Variants in VWC2L observed in about 807,000 individuals in gnomAD.
The protein encoded by VWC2L is von Willebrand factor C domain-containing protein 2-like.
A neutral mutation model predicts 21.6 loss-of-function variants in VWC2L; 10 were observed. That is an observed-to-expected ratio of 0.46 (90% confidence interval 0.29 to 0.78). The LOEUF is 0.78. Ranked by LOEUF, VWC2L falls within the 30% of genes least tolerant of loss-of-function variation. The pLI is 0.10. For synonymous variants in VWC2L, 96 were observed against 94.3 expected, an observed-to-expected ratio of 1.02 and a Z score of -0.10; for missense variants, 209 against 277.1, an observed-to-expected ratio of 0.75 and a Z score of 1.74.
intron 1 of VWC2L, among the ~76,000 whole-genome samples, chr2:214,412,679 T>C (rs866828505): frequency 9.2e-5 from 14 of 152,190 alleles, no homozygotes; most frequent in Admixed American, 4.6e-4. Flanking sequence ...CCTTCCATTT[T>C]ACTATTACTA....
intron 3 of VWC2L, among the ~76,000 whole-genome samples, chr2:214,452,363 TCTCTA>T (rs1321908270): frequency 1.3e-5 from 2 of 152,136 alleles, no homozygotes; most frequent in Non-Finnish European, 2.9e-5. Context: ...CCCAGGCTAG[TCTCTA>T]CTCTTTTTCA....
intron 2 of VWC2L, among the ~76,000 whole-genome samples, chr2:214,435,512 A>T (rs1002328944): frequency 1.5e-4 from 23 of 152,200 alleles, no homozygotes; most frequent in African/African-American, 4.8e-4. Flanking sequence ...AGACTGTCTG[A>T]GTTGAGAAGC....
chr2:214,510,530 CT>C (rs1689036766), intron 3 of VWC2L, among the ~76,000 whole-genome samples: 1 of 152,110 alleles, frequency 6.6e-6, no homozygotes. Flanking sequence ...CTATTTAAAA[CT>C]TTATGTAGTA....
intron 3 of VWC2L, among the ~76,000 whole-genome samples, chr2:214,546,707 C>CCTCTA (rs1689712092): frequency 6.6e-6 from 1 of 151,902 alleles, no homozygotes; most frequent in African/African-American, 2.4e-5. Context: ...CATCCCTGAA[C>CCTCTA]CTCTAGTTTT....
intron 3 of VWC2L, among the ~76,000 whole-genome samples, chr2:214,474,096 A>T (rs1186128749): frequency 6.6e-6 from 1 of 152,198 alleles, no homozygotes; most frequent in African/African-American, 2.4e-5. Flanking sequence ...CAGATTGCTA[A>T]ATTATTGCAC....
intron 3 of VWC2L, among the ~76,000 whole-genome samples, chr2:214,519,766 T>C (rs567909584): frequency 6.6e-6 from 1 of 152,266 alleles, no homozygotes; most frequent in South Asian, 2.1e-4. Context: ...AAGGTGCACA[T>C]TCAGTTGGTG....
intron 3 of VWC2L, among the ~76,000 whole-genome samples, chr2:214,506,231 A>C (rs561537766): frequency 1.2e-4 from 19 of 152,216 alleles, no homozygotes; most frequent in Non-Finnish European, 2.2e-4. Context: ...AGTAGAAATC[A>C]AACAAGTATA....
chr2:214,482,252 A>G (rs1280283013), intron 3 of VWC2L, among the ~76,000 whole-genome samples: 1 of 152,134 alleles, frequency 6.6e-6, no homozygotes, highest in African/African-American at 2.4e-5. Flanking sequence ...ATAGCATCTG[A>G]TAGTATGCAG....
chr2:214,525,508 G>GT (rs1395100159), intron 3 of VWC2L, among the ~76,000 whole-genome samples: 1 of 152,162 alleles, frequency 6.6e-6, no homozygotes, highest in Non-Finnish European at 1.5e-5. Context: ...GTATATGAAT[G>GT]TGCACCGCAC....
At chr2:214,510,046 C>T (rs374741848) in intron 3 of VWC2L, 4 of 152,098 alleles carry the variant, frequency 2.6e-5, no homozygotes, top group African/African-American at 9.7e-5. Flanking sequence ...TTACAAAATA[C>T]GTAAGATTTT....
chr2:214,438,775 TC>T (rs1423833661), intron 3 of VWC2L, among the ~76,000 whole-genome samples: 2 of 152,048 alleles, frequency 1.3e-5, no homozygotes, highest in African/African-American at 4.8e-5. Context: ...CCAAATGAAA[TC>T]CTCTTTTTAC....
At chr2:214,487,056 A>C (rs887946635) in intron 3 of VWC2L, among the ~76,000 whole-genome samples, 3 of 152,232 alleles carry the variant, frequency 2.0e-5, no homozygotes, top group Admixed American at 1.3e-4. Flanking sequence ...AGATTAGGAC[A>C]GAGACATATA....
intron 3 of VWC2L, among the ~76,000 whole-genome samples, chr2:214,493,237 C>T (rs924086859): frequency 3.3e-5 from 5 of 152,142 alleles, no homozygotes; most frequent in African/African-American, 1.2e-4. Flanking sequence ...TTTATGGCTT[C>T]TGAGAAGCAA....
At chr2:214,483,952 G>T (rs1319733585) in intron 3 of VWC2L, among the ~76,000 whole-genome samples, 1 of 152,124 alleles carries the variant, frequency 6.6e-6, no homozygotes, top group Non-Finnish European at 1.5e-5. Flanking sequence ...TGAAGGTGTT[G>T]CAAGGGCCAT....
intron 2 of VWC2L, among the ~76,000 whole-genome samples, chr2:214,415,665 A>G (rs901446775): frequency 1.3e-5 from 2 of 152,108 alleles, no homozygotes; most frequent in African/African-American, 4.8e-5. Context: ...TAATCTGTGT[A>G]TTCATAGTTA....
chr2:214,473,731 T>C (rs558696033), intron 3 of VWC2L: 327 of 151,730 alleles, frequency 2.2e-3, no homozygotes, highest in African/African-American at 7.6e-3. Context: ...GATGGCTTCT[T>C]ATGTTATATC....
intron 3 of VWC2L, among the ~76,000 whole-genome samples, chr2:214,464,943 C>A (rs1314386256): frequency 6.6e-6 from 1 of 152,204 alleles, no homozygotes; most frequent in Non-Finnish European, 1.5e-5. Flanking sequence ...CAATTACTGT[C>A]TGGCTACTGT....
chr2:214,540,713 G>T (rs1339793784), intron 3 of VWC2L, among the ~76,000 whole-genome samples: 1 of 152,166 alleles, frequency 6.6e-6, no homozygotes, highest in Non-Finnish European at 1.5e-5. Flanking sequence ...TGTTCTCTGA[G>T]AAATGTGTGG....
At chr2:214,556,302 A>G (rs1347429085) in intron 3 of VWC2L, among the ~76,000 whole-genome samples, 2 of 152,156 alleles carry the variant, frequency 1.3e-5, no homozygotes, top group Non-Finnish European at 2.9e-5. Flanking sequence ...ATTCTGCAGC[A>G]ATTTAAACTT....
Sources: allele counts gnomAD v4.1 joint callset (sites outside exome capture counted in the v4.1 genomes callset), GRCh38; gene constraint gnomAD v4.1.1; transcripts MANE v1.5; gene names NCBI Gene and HGNC (gene_info 2026-07-23, HGNC 2026-07-21).